The following OGFOD3 variants were observed in gnomAD, a reference collection of about 807,000 sequenced individuals.
The protein encoded by OGFOD3 is 2-oxoglutarate and iron dependent oxygenase domain containing 3, also known as 2-oxoglutarate and iron-dependent oxygenase domain-containing protein 3.
Under a neutral mutation model 39.8 loss-of-function variants are expected in OGFOD3, and 35 were observed. That is an observed-to-expected ratio of 0.88 (90% CI 0.67 to 1.17). The LOEUF (loss-of-function observed/expected upper bound fraction) is 1.17. Among genes scored for constraint, OGFOD3 ranks in the 50% most tolerant of loss-of-function variants. OGFOD3 has a pLI of 0.00. For synonymous variants in OGFOD3, 200 were observed against 192.0 expected, an observed-to-expected ratio of 1.04 and a Z score of -0.34; for missense variants, 438 against 454.5, an observed-to-expected ratio of 0.96 and a Z score of 0.33.
intron 1 of OGFOD3, among the ~76,000 whole-genome samples, chr17:82,417,073 TATTA>T (rs2053067160): frequency 6.6e-6 from 1 of 152,244 alleles, no homozygotes; most frequent in Admixed American, 6.5e-5. Context: ...TTTTAAAATG[TATTA>T]ATTAAATAAC....
intron 8 of OGFOD3, chr17:82,394,686 G>A: frequency 1.7e-6 from 1 of 589,134 alleles, no homozygotes; most frequent in Non-Finnish European, 2.9e-6. Context: ...CATCCTGCCT[G>A]ATAGGAGAAC....
In OGFOD3 at chr17:82,392,239, T is replaced by C; in HGVS notation, c.*159A>G. The C allele has an allele frequency of 1.2e-6, 1 of 819,360 alleles. No homozygotes were observed. Among genetic ancestry groups the C allele is most frequent in the Non-Finnish European group, 1.9e-6 (1 of 533,928 alleles). The allele number at this position is 819,360 out of a possible 1,614,324, so 50.8% of individuals were successfully genotyped here. ...GAAGTGAAAAGCTGGTTCCCTTCAT[T>C]TACTCACAGATGAAAAGATTAACAC... On this transcript the variant is annotated 3_prime_UTR_variant, in exon 9 of 9. Coordinates refer to ENST00000313056, the MANE Select transcript of OGFOD3 (RefSeq NM_024648.3). The surrounding 1 kb of genome is among the most constrained non-coding windows in gnomAD (Gnocchi z 4.2).
chr17:82,392,673 G>A lies in OGFOD3; in HGVS notation c.824-139C>T. Reference sequence around the variant, plus strand: ...GGCAGGCTGGAGAAATTGCCCCTCTGGGAACTGCTTCTGCAGGAAGGAGGA... The same window carrying A: ...GGCAGGCTGGAGAAATTGCCCCTCTAGGAACTGCTTCTGCAGGAAGGAGGA... On this transcript the variant is annotated intron_variant, in intron 8 of 8. Coordinates refer to ENST00000313056, the MANE Select transcript of OGFOD3 (RefSeq NM_024648.3). The surrounding 1 kb of genome is among the most constrained non-coding windows in gnomAD (Gnocchi z 4.2). The A allele has an allele frequency of 1.0e-6, 1 of 991,146 alleles. No homozygotes were observed. Among genetic ancestry groups the A allele is most frequent in the Middle Eastern group, 2.6e-4 (1 of 3,902 alleles). The allele number at this position is 991,146 out of a possible 1,614,324, so 61.4% of individuals were successfully genotyped here. A position where few individuals can be genotyped will look rare whatever the true frequency, so the allele number is the denominator to read the frequency against.
chr17:82,415,904 A>G lies in OGFOD3; in HGVS notation c.75-277T>C, dbSNP rs1450249705. 2.6e-5 allele frequency among the ~76,000 whole-genome samples: 4 copies of G among 151,904 alleles called. No individual in the cohort carries two copies. The highest frequency in any genetic ancestry group is 4.8e-5 in the African/African-American group (2 of 41,322). On this transcript the variant is annotated intron_variant, in intron 1 of 8. Coordinates refer to ENST00000313056, the MANE Select transcript of OGFOD3 (RefSeq NM_024648.3). This position sits in a 1 kb window ranked among gnomAD's most constrained non-coding sequence, Gnocchi z 5.3. Reference sequence around the variant, plus strand: ...ACTCATGGGTTTTAAGCAAAAGAAAAAAAAAAAAAAAGCCAGACATGCTCC... The same window carrying G: ...ACTCATGGGTTTTAAGCAAAAGAAAGAAAAAAAAAAAGCCAGACATGCTCC...
Position 82,415,484 on chromosome 17 carries a change from A to G in OGFOD3, c.218T>C (p.Val73Ala). Residue 73 changes from valine (V) to alanine (A), a missense_variant, in exon 2 of 9, where the codon GTC (valine) becomes GCC (alanine). Transcript: ENST00000313056. This position sits in a 1 kb window ranked among gnomAD's most constrained non-coding sequence, Gnocchi z 5.3. Reference sequence around the variant, plus strand: ...CACGACCTCGCCACGGCGGGCCAGGACCTCTGCGACCCCGTCGTCGGCCCC... The same window carrying G: ...CACGACCTCGCCACGGCGGGCCAGGGCCTCTGCGACCCCGTCGTCGGCCCC... ...SLGADDGVAEVLARRGEVVAG... is the reference protein window; with the variant it reads ...SLGADDGVAEALARRGEVVAG... 2 of 1,613,724 alleles carry G rather than the reference A, an allele frequency of 1.2e-6. No individual in the cohort carries two copies. Among genetic ancestry groups the G allele is most frequent in the Non-Finnish European group, 1.7e-6 (2 of 1,179,936 alleles).
chr17:82,401,810 A>AAAAAAAACAAAAAAACAAAC (rs2052769814), intron 7 of OGFOD3, among the ~76,000 whole-genome samples: 2 of 148,044 alleles, frequency 1.4e-5, no homozygotes, highest in African/African-American at 5.0e-5. Context: ...TCTCAAAAAA[A>AAAAAAAACAAAAAAACAAAC]AAAAAAAAAA....
At chr17:82,413,980 T>C (rs1283779031) in intron 2 of OGFOD3, among the ~76,000 whole-genome samples, 1 of 152,224 alleles carries the variant, frequency 6.6e-6, no homozygotes, top group Non-Finnish European at 1.5e-5. Context: ...TAGCCAAGCT[T>C]TTTAAAAAGT....
rs1049154948 is a variant in OGFOD3, at chr17:82,392,749, G to GC, written c.824-216dup. The GC allele has an allele frequency of 5.0e-6, 3 of 599,192 alleles. No homozygotes were observed. Among genetic ancestry groups the GC allele is most frequent in the Middle Eastern group, 4.6e-4 (1 of 2,192 alleles). The allele number at this position is 599,192 out of a possible 1,614,324, so 37.1% of individuals were successfully genotyped here. On this transcript the variant is annotated intron_variant, in intron 8 of 8. Transcript: ENST00000313056. This position sits in a 1 kb window ranked among gnomAD's most constrained non-coding sequence, Gnocchi z 4.2. ...TCAGGGGCCCTGTGGCGGAGGAGGG[G>GC]CCCCCCGGGGCCAGCAGGGACTCTG...
chr17:82,398,365 G>T (rs771301787), intron 7 of OGFOD3, 46 bp from the exon 8 acceptor site: 2 of 1,610,522 alleles, frequency 1.2e-6, no homozygotes, highest in South Asian at 1.1e-5. Flanking sequence ...CTCTCAGCAT[G>T]CGACCAGGGC....
chr17:82,406,569 A>G lies in OGFOD3; in HGVS notation c.424-87T>C. On this transcript the variant is annotated intron_variant, in intron 4 of 8. Transcript: ENST00000313056. This position sits in a 1 kb window ranked among gnomAD's most constrained non-coding sequence, Gnocchi z 5.2. ...CATGGATGGTAAATGCGAGTTTCCAAGGTCTGGCCAGCACACACCTCAGGT... is the reference window on the plus strand; with the variant it reads ...CATGGATGGTAAATGCGAGTTTCCAGGGTCTGGCCAGCACACACCTCAGGT... The G allele has an allele frequency of 8.8e-7, 1 of 1,134,094 alleles. No individual in the cohort carries two copies. The highest frequency in any genetic ancestry group is 1.2e-5 in the South Asian group (1 of 80,144). 70.3% of individuals were successfully genotyped at this position (1,134,094 alleles called of 1,614,324 possible).
rs919899161 is a variant in OGFOD3, at chr17:82,406,347, C to T, written c.488+71G>A. ...TCACATGTCCACGTGTCCACATGTC[C>T]ATGGCTAAGAGGCACGGAGCCGCTC... On this transcript the variant is annotated intron_variant, in intron 5 of 8. Coordinates refer to ENST00000313056, the MANE Select transcript of OGFOD3 (RefSeq NM_024648.3). The surrounding 1 kb of genome is among the most constrained non-coding windows in gnomAD (Gnocchi z 5.2). The T allele has an allele frequency of 4.8e-5, 67 of 1,401,740 alleles. No homozygotes were observed. Among genetic ancestry groups the T allele is most frequent in the South Asian group, 4.3e-4 (37 of 86,858 alleles). The allele number at this position is 1,401,740 out of a possible 1,614,324, so 86.8% of individuals were successfully genotyped here. A position where few individuals can be genotyped will look rare whatever the true frequency, so the allele number is the denominator to read the frequency against.
Position 82,418,570 on chromosome 17 carries a change from G to C in OGFOD3, c.-85C>G. The C allele has an allele frequency of 1.4e-6, 1 of 692,054 alleles. No individual in the cohort carries two copies. Among genetic ancestry groups the C allele is most frequent in the Non-Finnish European group, 2.0e-6 (1 of 499,554 alleles). The allele number at this position is 692,054 out of a possible 1,614,324, so 42.9% of individuals were successfully genotyped here. ...GTAACAGGGAGCGCGAGGCAGGCACGGCGCAGGGACGCGAGTGCGACGCGC... is the reference window on the plus strand; with the variant it reads ...GTAACAGGGAGCGCGAGGCAGGCACCGCGCAGGGACGCGAGTGCGACGCGC... On this transcript the variant is annotated 5_prime_UTR_variant, in exon 1 of 9. Coordinates refer to ENST00000313056, the MANE Select transcript of OGFOD3 (RefSeq NM_024648.3).
Position 82,399,679 on chromosome 17 carries a change from G to A in OGFOD3, c.700-1360C>T, listed in dbSNP as rs114849433. On this transcript the variant is annotated intron_variant, in intron 7 of 8. Transcript: ENST00000313056. ...CGCTTTCTGTCTCTGTGAACCTGGC[G>A]ACTCTAGGGTCCCCACGGACGTGGG... 5.6e-3 allele frequency among the ~76,000 whole-genome samples: 848 copies of A among 152,220 alleles called. 6 individuals carry two copies. The highest frequency in any genetic ancestry group is 0.019 in the African/African-American group (792 of 41,516).
At chr17:82,405,250 C>G (rs543939395) in intron 6 of OGFOD3, 74 bp downstream of exon 6, 3 of 1,336,666 alleles carry the variant, frequency 2.2e-6, no homozygotes, top group Admixed American at 3.4e-5. Flanking sequence ...CTCCCCGGAC[C>G]GGCCAGCTCT....
chr17:82,411,913 C>T (rs1567874330), intron 2 of OGFOD3, among the ~76,000 whole-genome samples: 1 of 152,284 alleles, frequency 6.6e-6, no homozygotes, highest in African/African-American at 2.4e-5. Context: ...CTCCTGAGAC[C>T]GCCAGAGAGG....
intron 6 of OGFOD3, among the ~76,000 whole-genome samples, chr17:82,405,027 A>G (rs2052832476): frequency 6.6e-6 from 1 of 151,804 alleles, no homozygotes; most frequent in African/African-American, 2.4e-5. Flanking sequence ...GGCATGAGAC[A>G]CCGCACCCAG....
intron 5 of OGFOD3, among the ~76,000 whole-genome samples, chr17:82,405,726 G>C (rs1382440545): frequency 6.6e-6 from 1 of 151,350 alleles, no homozygotes; most frequent in East Asian, 1.9e-4. Flanking sequence ...GAGGCAGGTG[G>C]ATCACTTGAG....
chr17:82,413,393 G>A (rs1171065021), intron 2 of OGFOD3, among the ~76,000 whole-genome samples: 2 of 152,244 alleles, frequency 1.3e-5, no homozygotes, highest in African/African-American at 2.4e-5. Context: ...ATGCTCAGTG[G>A]AGGTTCTGAC....
At position 82,403,985 on chromosome 17, in the gene OGFOD3, C is replaced by T. The variant is rs200973304; in HGVS notation, c.651G>A (p.Thr217=). The part of the protein sequence containing the change: ...KPTFFSRINS[T]EARTAHDEYW... Reference sequence around the variant, plus strand: ...ACTCGTCGTGCGCCGTCCGCGCTTCCGTGCTGTTTATGCGGGAGAAGAAGG... The same window carrying T: ...ACTCGTCGTGCGCCGTCCGCGCTTCTGTGCTGTTTATGCGGGAGAAGAAGG... The change falls in exon 7 of 9, where the codon ACG becomes ACA. Residue 217 remains threonine (T), a synonymous_variant. Transcript: ENST00000313056. The T allele has an allele frequency of 3.1e-6, 5 of 1,610,488 alleles. No homozygotes were observed. The highest frequency in any genetic ancestry group is 1.1e-5 in the South Asian group (1 of 90,324).
Sources: allele counts gnomAD v4.1 joint callset (sites outside exome capture counted in the v4.1 genomes callset), GRCh38; gene constraint gnomAD v4.1.1; non-coding constraint Gnocchi (gnomAD v3.1); transcripts MANE v1.5; gene names NCBI Gene and HGNC (gene_info 2026-07-23, HGNC 2026-07-21).